Variants in SPATA7 observed in about 807,000 individuals in gnomAD.
SPATA7 encodes the protein spermatogenesis associated 7, also known as spermatogenesis-associated protein 7.
In SPATA7, 43 loss-of-function variants were observed where a neutral mutation model predicts 51.8. That is an observed-to-expected ratio of 0.83 (90% confidence interval 0.65 to 1.07). The LOEUF (loss-of-function observed/expected upper bound fraction) is 1.07, where lower values mean the gene tolerates loss of function less well. SPATA7 is among the 50% of genes least tolerant of loss of function. The probability of loss-of-function intolerance (pLI) is 0.00; values close to 1 mark genes in which losing one functional copy is unlikely to be tolerated. For synonymous variants in SPATA7, 230 were observed against 252.8 expected (o/e 0.91, Z 0.86); for missense variants, 683 against 701.3 (o/e 0.97, Z 0.30).
rs1280776352 is a variant in SPATA7 at position 88,412,758 on chromosome 14, TTACTC to T, written c.239-3951_239-3947del. ...TTCTCCCATTCTGTTGGTTGTCTGT[TTACTC>T]TGTTGATAGTTTCTTTTGCATTGCA... On this transcript the variant is annotated intron_variant, in intron 4 of 11. Transcript: ENST00000393545. Among the ~76,000 whole-genome samples, 4 of 152,364 alleles carry T rather than the reference TTACTC, an allele frequency of 2.6e-5. No homozygotes were observed. In the East Asian group the frequency reaches 7.7e-4, roughly 29 times the overall value.
chr14:88,395,794 C>G (rs553644357), intron 3 of SPATA7, among the ~76,000 whole-genome samples: 3 of 152,122 alleles, frequency 2.0e-5, no homozygotes, highest in Non-Finnish European at 1.5e-5. Context: ...TCTTTAAGCC[C>G]CATGCCACAC....
chr14:88,396,361 T>G (rs57782525), intron 4 of SPATA7, among the ~76,000 whole-genome samples, 158 bp downstream of exon 4: 5,370 of 152,254 alleles, frequency 0.035, 312 homozygotes, highest in African/African-American at 0.12. Flanking sequence ...AGAACTCTCT[T>G]TATACTGCAA....
chr14:88,451,894 A>G (rs1034905734), intron 3 of SPATA7, among the ~76,000 whole-genome samples: 1 of 152,072 alleles, frequency 6.6e-6, no homozygotes, highest in African/African-American at 2.4e-5. Flanking sequence ...TTGACTTAAT[A>G]GTTGACCTTC....
intron 5 of SPATA7, among the ~76,000 whole-genome samples, chr14:88,425,978 A>G (rs2076778942): frequency 6.6e-6 from 1 of 152,204 alleles, no homozygotes; most frequent in African/African-American, 2.4e-5. Context: ...GATCCCAAAT[A>G]TAGATATGTT....
At chr14:88,451,351 G>A (rs1156869857) in intron 3 of SPATA7, among the ~76,000 whole-genome samples, 1 of 151,874 alleles carries the variant, frequency 6.6e-6, no homozygotes, top group Non-Finnish European at 1.5e-5. Flanking sequence ...TCTATTTTTA[G>A]TAGAGACAGG....
chr14:88,451,071 T>C (rs978602290), intron 3 of SPATA7, among the ~76,000 whole-genome samples: 2 of 152,210 alleles, frequency 1.3e-5, no homozygotes, highest in Non-Finnish European at 2.9e-5. Context: ...GTTTCTTTCT[T>C]CCATTTGTTC....
chr14:88,445,669 T>G (rs2077207001), intron 3 of SPATA7, among the ~76,000 whole-genome samples: 1 of 152,174 alleles, frequency 6.6e-6, no homozygotes, highest in African/African-American at 2.4e-5. Flanking sequence ...CATCAATACC[T>G]AATTTATTGA....
chr14:88,468,876 T>C, intron 4 of SPATA7: 1 of 1,613,232 alleles, frequency 6.2e-7, no homozygotes, highest in Non-Finnish European at 8.5e-7. Context: ...CCCAGCCTCA[T>C]TTCCACCCAA....
chr14:88,413,170 TC>T (rs1331761319), intron 4 of SPATA7, among the ~76,000 whole-genome samples: 2 of 152,212 alleles, frequency 1.3e-5, no homozygotes, highest in Non-Finnish European at 2.9e-5. Flanking sequence ...TATTGACTCT[TC>T]CAATCCACGA....
chr14:88,447,088 A>T (rs1294114813), intron 3 of SPATA7, among the ~76,000 whole-genome samples: 1 of 151,000 alleles, frequency 6.6e-6, no homozygotes, highest in East Asian at 1.9e-4. Flanking sequence ...GTGGGGTGTT[A>T]AAGTCTCCCA....
At chr14:88,394,527 T>C (rs1354779175) in intron 3 of SPATA7, among the ~76,000 whole-genome samples, 1 of 152,210 alleles carries the variant, frequency 6.6e-6, no homozygotes, top group African/African-American at 2.4e-5. Flanking sequence ...ATTTAATGAA[T>C]AGACCACAAT....
rs200780988 is a variant in SPATA7, at chr14:88,385,787, G to T, written c.-32G>T. 5.4e-4 allele frequency: 866 copies of T among 1,595,830 alleles called. 1 individual carries two copies. Among genetic ancestry groups the T allele is most frequent in the Non-Finnish European group, 6.8e-4 (794 of 1,169,064 alleles). ...CGGGAAGGACCGAAGGGGATACAGC[G>T]TGTCCCTGCGGCGGCTGCAAGAGGA... is the stretch of plus-strand genomic sequence containing the variant. On this transcript the variant is annotated 5_prime_UTR_variant, in exon 1 of 12. Coordinates refer to ENST00000393545, the MANE Select transcript of SPATA7 (RefSeq NM_018418.5).
exon 5 of SPATA7, chr14:88,470,222 G>A: frequency 1.6e-6 from 1 of 637,298 alleles, no homozygotes; most frequent in Non-Finnish European, 2.7e-6. Context: ...TTTCCCTTGT[G>A]AATACAATTT....
At chr14:88,386,950 C>T (rs2075596916) in intron 1 of SPATA7, among the ~76,000 whole-genome samples, 1 of 152,182 alleles carries the variant, frequency 6.6e-6, no homozygotes, top group Admixed American at 6.5e-5. Flanking sequence ...AATCAAAACG[C>T]TTTATGATCT....
chr14:88,410,577 CTG>C (rs2139938672), intron 4 of SPATA7: 1 of 152,206 alleles, frequency 6.6e-6, no homozygotes, highest in East Asian at 1.9e-4. Context: ...GATGGGGTCT[CTG>C]TGTGGATGTC....
chr14:88,438,315 C>A lies in SPATA7; in HGVS notation c.1693C>A (p.Gln565Lys), dbSNP rs149705437. 12 of 1,613,932 alleles carry A rather than the reference C, an allele frequency of 7.4e-6. No individual in the cohort carries two copies. Among genetic ancestry groups the A allele is most frequent in the Non-Finnish European group, 1.0e-5 (12 of 1,179,898 alleles). ...GLCGLNTSPS[Q>K]SVQFSSVKGD... ...ATGTGGTCTTAACACATCACCCTCC[C>A]AATCTGTTCAGTTCTCCAGTGTCAA... is the stretch of plus-strand genomic sequence containing the variant. Residue 565 changes from glutamine to lysine, a missense_variant, in exon 12 of 12, where the codon CAA becomes AAA. Physicochemically the swap from Gln to Lys is moderately conservative, Grantham distance 53. Transcript: ENST00000393545.
At chr14:88,449,417 A>G (rs1416673491) in intron 3 of SPATA7, among the ~76,000 whole-genome samples, 4 of 152,094 alleles carry the variant, frequency 2.6e-5, no homozygotes, top group Admixed American at 2.6e-4. Flanking sequence ...TTCTAATTTT[A>G]TTCTACTGTG....
At position 88,416,732 on chromosome 14, in the gene SPATA7, A is replaced by G. The variant is rs778627627; in HGVS notation, c.260A>G (p.Glu87Gly). The stretch of plus-strand genomic sequence containing the variant: ...TTAGATGCAGACCAACAACGAAGAG[A>G]GAAACTCAAAAAGGAATTAGCACAA... ...SIKYADQQRREKLKKELAQCE... is the reference protein window; with the variant it reads ...SIKYADQQRRGKLKKELAQCE... The change falls in exon 5 of 12, where the codon GAG (glutamate) becomes GGG (glycine). Residue 87 changes from glutamate to glycine, a missense_variant. Coordinates refer to ENST00000393545, the MANE Select transcript of SPATA7 (RefSeq NM_018418.5). 1 of 1,613,482 alleles carries G rather than the reference A, an allele frequency of 6.2e-7. No individual in the cohort carries two copies. Among genetic ancestry groups the G allele is most frequent in the Non-Finnish European group, 8.5e-7 (1 of 1,179,716 alleles).
At chr14:88,401,982 A>G (rs2076074580) in intron 4 of SPATA7, among the ~76,000 whole-genome samples, 1 of 152,134 alleles carries the variant, frequency 6.6e-6, no homozygotes, top group Non-Finnish European at 1.5e-5. Context: ...ATGTACAAAA[A>G]CCAGTGGCAT....
Sources: allele counts gnomAD v4.1 joint callset (sites outside exome capture counted in the v4.1 genomes callset), GRCh38; gene constraint gnomAD v4.1.1; transcripts MANE v1.5; gene names NCBI Gene and HGNC (gene_info 2026-07-23, HGNC 2026-07-21).